The following GBA1 variants were observed in gnomAD, a reference collection of about 807,000 sequenced individuals.
The protein encoded by GBA1 is glucosylceramidase beta 1, also known as lysosomal acid glucosylceramidase.
At chr1:155,237,422 G>C in the GBA1 span, 1 of 1,613,974 alleles carries the variant, frequency 6.2e-7, no homozygotes, top group Non-Finnish European at 8.5e-7. Flanking sequence ...TGTTGGCGAG[G>C]GTAGGACCTA....
the GBA1 span, chr1:155,238,637 G>T: frequency 6.2e-7 from 1 of 1,613,732 alleles, no homozygotes; most frequent in Non-Finnish European, 8.5e-7. Context: ...CCCGGATGAT[G>T]TTATATCCGA....
At chr1:155,240,308 A>T in the GBA1 span, 2 of 604,100 alleles carry the variant, frequency 3.3e-6, no homozygotes, top group Non-Finnish European at 5.9e-6. Context: ...TACTAAAAAT[A>T]CAAAAATTAG....
the GBA1 span, chr1:155,241,049 C>T: frequency 1.3e-6 from 2 of 1,580,106 alleles, no homozygotes; most frequent in African/African-American, 1.3e-5. Flanking sequence ...ATTCCAGAAG[C>T]ACTGTGACAA....
chr1:155,244,401 A>AAAT, the GBA1 span: 6 of 152,156 alleles, frequency 3.9e-5, no homozygotes, highest in Admixed American at 3.3e-4. Flanking sequence ...CTCCCTCAAA[A>AAAT]AATAATAATA....
chr1:155,235,699 T>G, the GBA1 span: 2 of 1,608,962 alleles, frequency 1.2e-6, no homozygotes, highest in Non-Finnish European at 1.7e-6. Context: ...GCCAAGGTGG[T>G]AGAACATGGG....
At chr1:155,237,321 C>A in the GBA1 span, 1 of 1,613,904 alleles carries the variant, frequency 6.2e-7, no homozygotes, top group East Asian at 2.2e-5. Flanking sequence ...ACTGGAGCAC[C>A]ATGGAGGTCC....
At chr1:155,236,464 C>G in the GBA1 span, 4 of 1,613,312 alleles carry the variant, frequency 2.5e-6, no homozygotes, top group East Asian at 6.7e-5. Context: ...CTGGGTCTGT[C>G]AGTACCTGCA....
the GBA1 span, chr1:155,235,095 G>A: frequency 7.9e-7 from 1 of 1,271,128 alleles, no homozygotes; most frequent in Non-Finnish European, 1.1e-6. Context: ...CACATCCTTA[G>A]AGGAGCTAGG....
chr1:155,235,225 T>A, the GBA1 span: 21 of 1,613,420 alleles, frequency 1.3e-5, no homozygotes, highest in Non-Finnish European at 1.8e-5. Flanking sequence ...AGCAGAGCCA[T>A]CGGGATGCAT....
At chr1:155,237,902 TC>T in the GBA1 span, 1 of 611,506 alleles carries the variant, frequency 1.6e-6, no homozygotes, top group Non-Finnish European at 2.8e-6. Context: ...AGACTCCTTC[TC>T]AAAAAAAAAA....
the GBA1 span, among the ~76,000 whole-genome samples, chr1:155,241,789 C>T: frequency 6.6e-6 from 1 of 152,166 alleles, no homozygotes; most frequent in African/African-American, 2.4e-5. Context: ...CAGTGAAGTG[C>T]AGGGCACAAG....
chr1:155,242,782 G>C, the GBA1 span, among the ~76,000 whole-genome samples: 1 of 151,940 alleles, frequency 6.6e-6, no homozygotes, highest in Non-Finnish European at 1.5e-5. Flanking sequence ...TAGTAGAGAT[G>C]GGGTTTCACC....
the GBA1 span, chr1:155,237,473 G>A: frequency 8.1e-6 from 13 of 1,614,010 alleles, no homozygotes; most frequent in African/African-American, 2.7e-5. Context: ...CAGGGGTGAA[G>A]CCCAGGCACT....
At chr1:155,236,583 TG>T in the GBA1 span, 1 of 865,514 alleles carries the variant, frequency 1.2e-6, no homozygotes, top group Admixed American at 2.0e-5. Flanking sequence ...TAGAGAGGTT[TG>T]GGGAGATTTT....
the GBA1 span, chr1:155,240,767 C>T: frequency 6.7e-7 from 1 of 1,486,980 alleles, no homozygotes; most frequent in East Asian, 2.3e-5. Flanking sequence ...CTCCACCCCT[C>T]AACTACTCTC....
At chr1:155,240,505 G>T in the GBA1 span, 1 of 828,804 alleles carries the variant, frequency 1.2e-6, no homozygotes, top group Non-Finnish European at 2.1e-6. Context: ...GTTGGTCTCA[G>T]TCACTCAAAA....
the GBA1 span, among the ~76,000 whole-genome samples, chr1:155,236,934 G>A: frequency 1.3e-5 from 2 of 151,896 alleles, no homozygotes; most frequent in Admixed American, 6.6e-5. Context: ...GCGCGATCTC[G>A]GCTCACCGCA....
the GBA1 span, chr1:155,237,714 C>G: frequency 6.5e-7 from 1 of 1,533,128 alleles, no homozygotes; most frequent in Non-Finnish European, 8.8e-7. Flanking sequence ...AGTTCGAGAA[C>G]AGCCTGGCGA....
chr1:155,242,619 A>ATT, the GBA1 span, among the ~76,000 whole-genome samples: 5,918 of 142,174 alleles, frequency 0.042, 166 homozygotes, highest in Non-Finnish European at 0.063. Flanking sequence ...TCCTCCAGTA[A>ATT]TTTTTTTTTT....
Sources: gnomAD v4.1 joint callset for allele counts (sites outside exome capture counted in the v4.1 genomes callset) on GRCh38, gnomAD v4.1.1 for gene constraint, MANE v1.5 for transcripts, NCBI Gene and HGNC (gene_info 2026-07-23, HGNC 2026-07-21) for gene names.